P2RY8: variants seen among roughly 807,000 people sequenced by gnomAD.
The protein encoded by P2RY8 is P2Y receptor family member 8, also known as S-geranylgeranyl-glutathione receptor P2RY8.
A neutral mutation model predicts 10.0 loss-of-function variants in P2RY8; 6 were observed. That is an observed-to-expected ratio of 0.60 (90% confidence interval 0.33 to 1.19). P2RY8 has a LOEUF of 1.19. Ranked by LOEUF, P2RY8 falls within the 50% of genes most tolerant of loss-of-function variation. The pLI is 0.04. For missense variants in P2RY8, 456 were observed against 542.0 expected (o/e 0.84, Z 1.58); for synonymous variants, 276 against 252.5 (o/e 1.09, Z -0.88).
At chrX:1,523,667 A>G (rs1164928306) in intron 1 of P2RY8, among the ~76,000 whole-genome samples, 3 of 152,032 alleles carry the variant, frequency 2.0e-5, no homozygotes, top group African/African-American at 7.2e-5. Flanking sequence ...TGTATTGAAG[A>G]TGGTAAATTT....
intron 1 of P2RY8, among the ~76,000 whole-genome samples, chrX:1,529,128 GT>G (rs2092457788): frequency 6.6e-6 from 1 of 152,172 alleles, no homozygotes; most frequent in African/African-American, 2.4e-5. Context: ...TCTTGGAAAG[GT>G]GGAGAATAAA....
At chrX:1,496,511 T>G (rs1420760121) in intron 1 of P2RY8, among the ~76,000 whole-genome samples, 4 of 152,030 alleles carry the variant, frequency 2.6e-5, no homozygotes, top group Non-Finnish European at 4.4e-5. Context: ...GCAACTTGTC[T>G]GCAGTTCCCA....
intron 1 of P2RY8, among the ~76,000 whole-genome samples, chrX:1,533,541 TTATATATTATATA>T (rs1569538999): frequency 1.6e-5 from 2 of 127,984 alleles, no homozygotes; most frequent in Non-Finnish European, 3.2e-5. Context: ...TATTTATTAT[TTATATATTATATA>T]CTTATATATT....
intron 1 of P2RY8, among the ~76,000 whole-genome samples, chrX:1,519,684 A>G (rs1475407849): frequency 6.6e-6 from 1 of 151,862 alleles, no homozygotes; most frequent in Non-Finnish European, 1.5e-5. Flanking sequence ...CTGATCCACA[A>G]TCATCCCCTT....
rs760965478 is a variant in P2RY8 at position 1,465,644 on chromosome X, C to T, written c.915G>A (p.Arg305=). Residue 305 remains arginine (R), a synonymous_variant, in exon 2 of 2, where the codon CGG becomes CGA. Transcript: ENST00000381297. ...FASREFQLRL[R]EYLGCRRVPR... is the part of the protein sequence containing the mutation. ...GCACCCGGCGGCAGCCCAAATATTC[C>T]CGCAGGCGCAGCTGGAATTCCCGGG... The T allele has an allele frequency of 4.3e-6, 7 of 1,613,446 alleles. 1 individual carries two copies. In the South Asian group the frequency reaches 7.7e-5, roughly 18 times the overall value.
At chrX:1,516,273 C>T (rs2149406852) in intron 1 of P2RY8, among the ~76,000 whole-genome samples, 1 of 129,474 alleles carries the variant, frequency 7.7e-6, no homozygotes, top group South Asian at 2.9e-4. Flanking sequence ...TTCTCTCCCT[C>T]CCTCCATTCC....
At chrX:1,523,906 G>T (rs2092410844) in intron 1 of P2RY8, among the ~76,000 whole-genome samples, 2 of 152,102 alleles carry the variant, frequency 1.3e-5, no homozygotes, top group South Asian at 4.1e-4. Context: ...GGCCAGGCTG[G>T]TCTGGAACTC....
intron 1 of P2RY8, among the ~76,000 whole-genome samples, chrX:1,505,222 G>A (rs747273063): frequency 6.6e-6 from 1 of 152,022 alleles, no homozygotes; most frequent in African/African-American, 2.4e-5. Context: ...ACCTGAGCTG[G>A]GTTTCTGTGA....
At chrX:1,512,901 C>G (rs4372179) in intron 1 of P2RY8, among the ~76,000 whole-genome samples, 135,742 of 151,792 alleles carry the variant, frequency 0.89, 62,345 homozygotes, top group East Asian at 1. Context: ...TGTGCAGAAC[C>G]TGCAGGTTTG....
rs2091649274 is a variant in P2RY8, at chrX:1,465,335, G to C, written c.*144C>G. On this transcript the variant is annotated 3_prime_UTR_variant, in exon 2 of 2. Coordinates refer to ENST00000381297, the MANE Select transcript of P2RY8 (RefSeq NM_178129.5). ...CTCTGCAGTGCCTGGGAGGAATAAA[G>C]CCTGGAGACCCTTCCCCACCGGGCC... The C allele has an allele frequency of 1.5e-6, 2 of 1,351,176 alleles. No individual in the cohort carries two copies. Among genetic ancestry groups the C allele is most frequent in the African/African-American group, 1.5e-5 (1 of 68,812 alleles). 83.7% of individuals were successfully genotyped at this position (1,351,176 alleles called of 1,614,324 possible).
chrX:1,534,783 C>T (rs765144995), intron 1 of P2RY8, among the ~76,000 whole-genome samples: 51 of 152,226 alleles, frequency 3.4e-4, no homozygotes, highest in African/African-American at 1.1e-3. Flanking sequence ...AACAGCTACC[C>T]TGCTGTTGTT....
intron 1 of P2RY8, among the ~76,000 whole-genome samples, chrX:1,498,284 T>C (rs2092137500): frequency 6.7e-6 from 1 of 149,922 alleles, no homozygotes; most frequent in Non-Finnish European, 1.5e-5. Flanking sequence ...CGGGTGCCTG[T>C]AGTCCCAGCT....
At position 1,465,577 on chromosome X, in the gene P2RY8, C is replaced by T; in HGVS notation, c.982G>A (p.Ala328Thr). 2 of 1,612,826 alleles carry T rather than the reference C, an allele frequency of 1.2e-6. No individual in the cohort carries two copies. The highest frequency in any genetic ancestry group is 1.7e-5 in the Admixed American group (1 of 60,004). Residue 328 changes from alanine (A) to threonine (T), a missense_variant, in exon 2 of 2, where the codon GCC (alanine) becomes ACC (threonine). Ala to Thr is a moderately conservative substitution (Grantham distance 58). Transcript: ENST00000381297. Reference sequence around the variant, plus strand: ...TCGGAGCGCACGGACGTGGTCCTGGCGGAGAAGAGGCTCTCGCGGCGCGTG... The same window carrying T: ...TCGGAGCGCACGGACGTGGTCCTGGTGGAGAAGAGGCTCTCGCGGCGCGTG... Reference protein sequence around the residue: ...LDTRRESLFSARTTSVRSEAG... With the variant: ...LDTRRESLFSTRTTSVRSEAG...
chrX:1,513,626 A>C (rs1490905566), intron 1 of P2RY8, among the ~76,000 whole-genome samples: 1 of 151,408 alleles, frequency 6.6e-6, no homozygotes, highest in Non-Finnish European at 1.5e-5. Flanking sequence ...TCCTTAACTT[A>C]ATGACATCTG....
chrX:1,521,303 C>T (rs1351477805), intron 1 of P2RY8, among the ~76,000 whole-genome samples: 1 of 152,116 alleles, frequency 6.6e-6, no homozygotes, highest in Admixed American at 6.5e-5. Context: ...GCCTTGGCCT[C>T]CCAAAGTGCT....
At chrX:1,528,850 CTT>C (rs2092456353) in intron 1 of P2RY8, among the ~76,000 whole-genome samples, 2 of 152,056 alleles carry the variant, frequency 1.3e-5, no homozygotes, top group Non-Finnish European at 2.9e-5. Context: ...ATTTGAGTCT[CTT>C]TGAATGAGTG....
intron 1 of P2RY8, among the ~76,000 whole-genome samples, chrX:1,508,875 AT>A: frequency 7.2e-6 from 1 of 138,176 alleles, no homozygotes; most frequent in South Asian, 2.3e-4. Flanking sequence ...CCATCCATCC[AT>A]CCATCTATTC....
Position 1,518,119 on chromosome X carries a change from T to A in P2RY8, c.-25+18802A>T, listed in dbSNP as rs866095265. On this transcript the variant is annotated intron_variant, in intron 1 of 1. Coordinates refer to ENST00000381297, the MANE Select transcript of P2RY8 (RefSeq NM_178129.5). Reference sequence around the variant, plus strand: ...AGCGAAACTCCATCTCAAAAAAAAATAAAAAAATAAATAAAAATAATCTTG... The same window carrying A: ...AGCGAAACTCCATCTCAAAAAAAAAAAAAAAAATAAATAAAAATAATCTTG... 3.7e-4 allele frequency among the ~76,000 whole-genome samples: 55 copies of A among 149,296 alleles called. 2 individuals carry two copies. The highest frequency in any genetic ancestry group is 3.5e-3 in the Middle Eastern group (1 of 286).
Position 1,466,007 on chromosome X carries a change from G to A in P2RY8, c.552C>T (p.Leu184=). ...ACACGGCCCACATGGCCACGCTGGG[G>A]AGCATCGTCCACTTGAGGACGTCGA... ...TCFDVLKWTM[L]PSVAMWAVFL... The change falls in exon 2 of 2, where the codon CTC becomes CTT. Residue 184 remains leucine, a synonymous_variant. Coordinates refer to ENST00000381297, the MANE Select transcript of P2RY8 (RefSeq NM_178129.5). The A allele has an allele frequency of 6.2e-7, 1 of 1,612,170 alleles. No homozygotes were observed. The highest frequency in any genetic ancestry group is 1.1e-5 in the South Asian group (1 of 91,028).
Sources: gnomAD v4.1 joint callset for allele counts (sites outside exome capture counted in the v4.1 genomes callset) on GRCh38, gnomAD v4.1.1 for gene constraint, MANE v1.5 for transcripts, NCBI Gene and HGNC (gene_info 2026-07-23, HGNC 2026-07-21) for gene names.